Variants in CHIA observed in about 807,000 individuals in gnomAD.
The protein encoded by CHIA is chitinase acidic.
CHIA carries 47 observed loss-of-function variants against 53.5 expected under a neutral mutation model. The ratio of observed to expected loss-of-function variants is 0.88; its 90% CI spans 0.70 to 1.12. The LOEUF is 1.12. Among genes scored for constraint, CHIA ranks in the 50% most tolerant of loss-of-function variants. CHIA has a pLI of 0.00. For synonymous variants in CHIA, 268 were observed against 222.2 expected (o/e 1.21, Z -1.83); for missense variants, 652 against 592.2 (o/e 1.10, Z -1.05).
chr1:111,318,473 C>G lies in CHIA; in HGVS notation c.730-20C>G, dbSNP rs746407439. 3 of 1,605,290 alleles carry G rather than the reference C, an allele frequency of 1.9e-6. No homozygotes were observed. Among genetic ancestry groups the G allele is most frequent in the Non-Finnish European group, 2.6e-6 (3 of 1,174,410 alleles). On this transcript the variant is annotated intron_variant, in intron 8 of 11. Coordinates refer to ENST00000369740, the MANE Select transcript of CHIA (RefSeq NM_201653.4). ...GTCCTCAGCTGGTTGGGCCATGTAA[C>G]TAACCCACTGACATTGCAGGATTAT...
At chr1:111,315,205 T>C in intron 5 of CHIA, 65 bp from the exon 6 acceptor site, 1 of 1,245,222 alleles carries the variant, frequency 8.0e-7, no homozygotes, top group Non-Finnish European at 1.2e-6. Context: ...AATTGAGAGC[T>C]TGATTTTACT....
intron 7 of CHIA, 42 bp downstream of exon 7, chr1:111,317,847 T>C: frequency 6.2e-7 from 1 of 1,613,298 alleles, no homozygotes; most frequent in Non-Finnish European, 8.5e-7. Flanking sequence ...GAGGTGTCAC[T>C]CGGGCACACT....
At position 111,317,633 on chromosome 1, in the gene CHIA, G is replaced by A. The variant is rs141560371; in HGVS notation, c.481-48G>A. Reference sequence around the variant, plus strand: ...TATGTTTATTAGTATTATTTAAGGAGCTAAAATCAGCATCATAGATGTCCT... The same window carrying A: ...TATGTTTATTAGTATTATTTAAGGAACTAAAATCAGCATCATAGATGTCCT... On this transcript the variant is annotated intron_variant, in intron 6 of 11. Coordinates refer to ENST00000369740, the MANE Select transcript of CHIA (RefSeq NM_201653.4). 7.5e-6 allele frequency: 12 copies of A among 1,606,142 alleles called. No individual in the cohort carries two copies. In the East Asian group the frequency reaches 1.8e-4, roughly 24 times the overall value.
rs1648989963 is a variant in CHIA at position 111,314,576 on chromosome 1, C to A, written c.294C>A (p.Gly98=). Residue 98 remains glycine (G), a synonymous_variant, in exon 5 of 12, where the codon GGC becomes GGA. Transcript: ENST00000369740. Reference sequence around the variant, plus strand: ...TGAAAACTCTCCTGGCCATTGGAGGCTGGAACTTCGGGACTGCCCCGTAAG... The same window carrying A: ...TGAAAACTCTCCTGGCCATTGGAGGATGGAACTTCGGGACTGCCCCGTAAG... The part of the protein sequence containing the change: ...SQLKTLLAIG[G]WNFGTAPFTA... The A allele has an allele frequency of 6.2e-7, 1 of 1,613,468 alleles. No homozygotes were observed. The highest frequency in any genetic ancestry group is 8.5e-7 in the Non-Finnish European group (1 of 1,179,410).
At chr1:111,298,915 G>A (rs1049817766) in intron 1 of CHIA, among the ~76,000 whole-genome samples, 5 of 152,086 alleles carry the variant, frequency 3.3e-5, no homozygotes, top group East Asian at 1.9e-4. Context: ...TATCACCACC[G>A]ATCCCACAGA....
At chr1:111,304,234 C>T (rs891464803) in intron 1 of CHIA, among the ~76,000 whole-genome samples, 1 of 152,124 alleles carries the variant, frequency 6.6e-6, no homozygotes, top group African/African-American at 2.4e-5. Context: ...GTTCATCTTA[C>T]TTGGAGTTCG....
chr1:111,311,393 C>T (rs945514193), intron 2 of CHIA, among the ~76,000 whole-genome samples: 1 of 152,170 alleles, frequency 6.6e-6, no homozygotes, highest in African/African-American at 2.4e-5. Context: ...CTACAGTGAT[C>T]AGTTGGTGAT....
chr1:111,293,523 C>G (rs1389728798), intron 1 of CHIA, among the ~76,000 whole-genome samples: 1 of 152,100 alleles, frequency 6.6e-6, no homozygotes, highest in Non-Finnish European at 1.5e-5. Flanking sequence ...ATATTTTCTA[C>G]CATTCCGTGA....
At chr1:111,305,474 C>G (rs1648106480) in intron 1 of CHIA, among the ~76,000 whole-genome samples, 1 of 152,180 alleles carries the variant, frequency 6.6e-6, no homozygotes, top group Admixed American at 6.5e-5. Context: ...CCCACCCTGG[C>G]TCCCACAAGC....
intron 1 of CHIA, among the ~76,000 whole-genome samples, chr1:111,300,599 G>A (rs758183717): frequency 2.6e-5 from 4 of 152,018 alleles, no homozygotes; most frequent in Non-Finnish European, 4.4e-5. Context: ...GATTAAAGAC[G>A]TAAATATTAG....
intron 1 of CHIA, among the ~76,000 whole-genome samples, chr1:111,300,983 C>T (rs1222592357): frequency 2.6e-5 from 4 of 152,174 alleles, no homozygotes; most frequent in Non-Finnish European, 5.9e-5. Flanking sequence ...TGAAAAAATG[C>T]TCATCATCAC....
intron 1 of CHIA, among the ~76,000 whole-genome samples, chr1:111,291,297 G>C (rs1661001281): frequency 6.6e-6 from 1 of 152,166 alleles, no homozygotes; most frequent in Non-Finnish European, 1.5e-5. Context: ...TAAAGAAAAT[G>C]TGGTACATAT....
chr1:111,317,094 T>G (rs1487862640), intron 6 of CHIA: 1 of 152,816 alleles, frequency 6.5e-6, no homozygotes, highest in African/African-American at 2.4e-5. Context: ...CGCATGACAA[T>G]TTTCAGAGCC....
rs1019098056 is a variant in CHIA, at chr1:111,317,745, C to T, written c.545C>T (p.Ala182Val). The change falls in exon 7 of 12, where the codon GCT becomes GTT. Residue 182 changes from alanine to valine, a missense_variant. Transcript: ENST00000369740. Reference protein sequence around the residue: ...QINKPRLMVTAAVAAGISNIQ... With the variant: ...QINKPRLMVTVAVAAGISNIQ... Reference sequence around the variant, plus strand: ...AACAAGCCCAGGCTGATGGTCACTGCTGCAGTAGCTGCTGGCATCTCCAAT... The same window carrying T: ...AACAAGCCCAGGCTGATGGTCACTGTTGCAGTAGCTGCTGGCATCTCCAAT... The T allele has an allele frequency of 6.2e-7, 1 of 1,613,814 alleles. No individual in the cohort carries two copies. The highest frequency in any genetic ancestry group is 8.5e-7 in the Non-Finnish European group (1 of 1,180,016).
At chr1:111,301,154 T>C (rs538290861) in intron 1 of CHIA, among the ~76,000 whole-genome samples, 8 of 152,302 alleles carry the variant, frequency 5.3e-5, no homozygotes, top group Non-Finnish European at 1.0e-4. Flanking sequence ...AGTTCAACCA[T>C]TGTGGAAGAC....
At chr1:111,305,538 T>C (rs1053705779) in intron 1 of CHIA, among the ~76,000 whole-genome samples, 24 of 152,184 alleles carry the variant, frequency 1.6e-4, no homozygotes, top group African/African-American at 5.8e-4. Context: ...TGGGGCTTAG[T>C]GGTGGGGGAA....
At chr1:111,297,311 A>G (rs1456298454) in intron 1 of CHIA, among the ~76,000 whole-genome samples, 1 of 152,228 alleles carries the variant, frequency 6.6e-6, no homozygotes, top group Non-Finnish European at 1.5e-5. Context: ...AAAAATGTTA[A>G]GGGCAGCCAG....
At chr1:111,312,932 T>C (rs921977985) in intron 4 of CHIA, among the ~76,000 whole-genome samples, 4 of 152,184 alleles carry the variant, frequency 2.6e-5, no homozygotes, top group Admixed American at 6.5e-5. Flanking sequence ...TTTATCTCAC[T>C]TAACATAATA....
chr1:111,293,168 C>T (rs1276910817), intron 1 of CHIA, among the ~76,000 whole-genome samples: 1 of 152,096 alleles, frequency 6.6e-6, no homozygotes, highest in East Asian at 1.9e-4. Flanking sequence ...TACTGTTTTC[C>T]ATAGCAGCTG....
Sources: gnomAD v4.1 joint callset for allele counts (sites outside exome capture counted in the v4.1 genomes callset) on GRCh38, gnomAD v4.1.1 for gene constraint, MANE v1.5 for transcripts, NCBI Gene and HGNC (gene_info 2026-07-23, HGNC 2026-07-21) for gene names.